The following ITGBL1 variants were observed in gnomAD, a reference collection of about 807,000 sequenced individuals.
ITGBL1 encodes the protein integrin beta-like protein 1.
ITGBL1 carries 51 observed loss-of-function variants against 68.5 expected under a neutral mutation model. The observed-to-expected ratio is 0.74, with a 90% CI of 0.59 to 0.94. The LOEUF (loss-of-function observed/expected upper bound fraction) is 0.94, where lower values mean the gene tolerates loss of function less well. Ranked by LOEUF, ITGBL1 falls within the 40% of genes least tolerant of loss-of-function variation. The pLI, the probability that ITGBL1 is intolerant of heterozygous loss-of-function variation, is 0.00. For synonymous variants in ITGBL1, 209 were observed against 227.3 expected, an observed-to-expected ratio of 0.92 and a Z score of 0.72; for missense variants, 649 against 647.4, an observed-to-expected ratio of 1.00 and a Z score of -0.03.
At chr13:101,656,822 T>G (rs1231975856) in intron 7 of ITGBL1, among the ~76,000 whole-genome samples, 2 of 152,232 alleles carry the variant, frequency 1.3e-5, no homozygotes, top group African/African-American at 4.8e-5. Flanking sequence ...GCATCCTTCT[T>G]ATTTACTTAT....
At position 101,692,862 on chromosome 13, in the gene ITGBL1, T is replaced by C. The variant is rs945957017; in HGVS notation, c.1132+161T>C. 1.7e-5 allele frequency: 11 copies of C among 629,114 alleles called. No individual in the cohort carries two copies. In the Admixed American group the frequency reaches 3.0e-4, roughly 17 times the overall value. 39.0% of individuals were successfully genotyped at this position (629,114 alleles called of 1,614,324 possible). ...AAGCAATATACAATTAGGTTTGTAA[T>C]GACTTTTATTTCCCTGAACTCTTTA... On this transcript the variant is annotated intron_variant, in intron 8 of 10. Coordinates refer to ENST00000376180, the MANE Select transcript of ITGBL1 (RefSeq NM_004791.3).
At chr13:101,677,752 C>G (rs1731228597) in intron 7 of ITGBL1, among the ~76,000 whole-genome samples, 1 of 152,124 alleles carries the variant, frequency 6.6e-6, no homozygotes, top group Admixed American at 6.6e-5. Context: ...ACTTATTAAT[C>G]CTGCCTATGA....
At chr13:101,609,958 A>G (rs1423119666) in intron 7 of ITGBL1, among the ~76,000 whole-genome samples, 1 of 152,176 alleles carries the variant, frequency 6.6e-6, no homozygotes, top group Non-Finnish European at 1.5e-5. Flanking sequence ...TGTAAGTTGA[A>G]AACCAGTGAA....
chr13:101,531,158 AT>A, intron 2 of ITGBL1, among the ~76,000 whole-genome samples: 1 of 152,270 alleles, frequency 6.6e-6, no homozygotes, highest in Admixed American at 6.5e-5. Context: ...GTAACTGTTG[AT>A]TTTAAAAAAA....
intron 7 of ITGBL1, among the ~76,000 whole-genome samples, chr13:101,667,933 C>T (rs1035376495): frequency 2.7e-5 from 4 of 149,824 alleles, no homozygotes; most frequent in African/African-American, 9.8e-5. Flanking sequence ...CCTTTTAGCT[C>T]ATGGGATTCA....
intron 3 of ITGBL1, among the ~76,000 whole-genome samples, chr13:101,571,715 T>G (rs1594897110): frequency 6.6e-6 from 1 of 152,176 alleles, no homozygotes; most frequent in Non-Finnish European, 1.5e-5. Flanking sequence ...TGTGTTATTA[T>G]TTCTCATTTT....
chr13:101,569,260 C>T (rs577248874), intron 3 of ITGBL1, among the ~76,000 whole-genome samples: 74 of 152,024 alleles, frequency 4.9e-4, no homozygotes, highest in Admixed American at 1.4e-3. Flanking sequence ...GTTTGCAAAT[C>T]AAATTTAGGG....
chr13:101,638,311 G>A (rs1367401693), intron 7 of ITGBL1, among the ~76,000 whole-genome samples: 1 of 152,086 alleles, frequency 6.6e-6, no homozygotes, highest in Non-Finnish European at 1.5e-5. Flanking sequence ...ATAAGGGACA[G>A]CACTTGAAGG....
At chr13:101,485,603 GACCACA>G (rs1030644058) in intron 2 of ITGBL1, among the ~76,000 whole-genome samples, 2 of 152,026 alleles carry the variant, frequency 1.3e-5, no homozygotes, top group Non-Finnish European at 1.5e-5. Context: ...AGGAGATCGA[GACCACA>G]GTGAAACCCC....
chr13:101,666,835 G>A (rs983999679), intron 7 of ITGBL1, among the ~76,000 whole-genome samples: 15 of 152,116 alleles, frequency 9.9e-5, no homozygotes, highest in South Asian at 2.1e-4. Context: ...CAACTGTTAC[G>A]GACAGGCAAG....
chr13:101,719,463 T>A (rs1336746511), downstream of ITGBL1: 1 of 152,110 alleles, frequency 6.6e-6, no homozygotes, highest in Non-Finnish European at 1.5e-5. Flanking sequence ...GGATTTGTAA[T>A]GAAATGATGT....
At chr13:101,540,462 A>C (rs1312335833) in intron 2 of ITGBL1, among the ~76,000 whole-genome samples, 1 of 152,116 alleles carries the variant, frequency 6.6e-6, no homozygotes, top group Non-Finnish European at 1.5e-5. Flanking sequence ...ATAGCCTTGT[A>C]GTATAGTTTG....
chr13:101,671,694 T>G (rs944910516), intron 7 of ITGBL1, among the ~76,000 whole-genome samples: 1 of 151,928 alleles, frequency 6.6e-6, no homozygotes, highest in Non-Finnish European at 1.5e-5. Context: ...CACCTCTGCC[T>G]CCCAAAGTGC....
chr13:101,693,567 G>C (rs2033929401), intron 8 of ITGBL1, among the ~76,000 whole-genome samples: 1 of 152,068 alleles, frequency 6.6e-6, no homozygotes, highest in African/African-American at 2.4e-5. Flanking sequence ...ATGGGTAGTA[G>C]AGTGTGTGTC....
chr13:101,686,636 G>C (rs980232144), intron 7 of ITGBL1, among the ~76,000 whole-genome samples: 2 of 151,960 alleles, frequency 1.3e-5, no homozygotes, highest in South Asian at 4.1e-4. Context: ...TAGTCATATA[G>C]AAGATTGGGT....
chr13:101,495,065 T>G (rs1313529300), intron 2 of ITGBL1, among the ~76,000 whole-genome samples: 1 of 152,224 alleles, frequency 6.6e-6, no homozygotes, highest in Non-Finnish European at 1.5e-5. Context: ...GGGTTTTGAA[T>G]CCTTCTAAGT....
intron 2 of ITGBL1, among the ~76,000 whole-genome samples, chr13:101,551,790 T>C (rs959500923): frequency 1.3e-5 from 2 of 152,192 alleles, no homozygotes; most frequent in African/African-American, 4.8e-5. Context: ...CCAAAGTAAA[T>C]ATTGGTATGC....
chr13:101,515,139 G>A (rs1594858703), intron 2 of ITGBL1, among the ~76,000 whole-genome samples: 1 of 152,088 alleles, frequency 6.6e-6, no homozygotes, highest in East Asian at 1.9e-4. Flanking sequence ...TTTTGTCTTT[G>A]TTTTGGGAGG....
chr13:101,636,298 T>C (rs1416859389), intron 7 of ITGBL1, among the ~76,000 whole-genome samples: 2 of 152,112 alleles, frequency 1.3e-5, no homozygotes, highest in Admixed American at 6.5e-5. Context: ...GTGTCAAGGA[T>C]CCAAGAGTCA....
Sources: gnomAD v4.1 joint callset for allele counts (sites outside exome capture counted in the v4.1 genomes callset) on GRCh38, gnomAD v4.1.1 for gene constraint, MANE v1.5 for transcripts, NCBI Gene and HGNC (gene_info 2026-07-23, HGNC 2026-07-21) for gene names.